Variants in SEC31A observed in about 807,000 individuals in gnomAD.
SEC31A encodes the protein protein transport protein Sec31A.
SEC31A carries 70 observed loss-of-function variants against 151.0 expected under a neutral mutation model. That is an observed-to-expected ratio of 0.46 (90% CI 0.38 to 0.57). SEC31A has a LOEUF of 0.57. SEC31A is among the 20% of genes least tolerant of loss of function. SEC31A has a pLI of 0.00. For missense variants in SEC31A, 1,330 were observed against 1,471.2 expected, an observed-to-expected ratio of 0.90 and a Z score of 1.57; for synonymous variants, 475 against 505.9, an observed-to-expected ratio of 0.94 and a Z score of 0.82.
At chr4:82,852,785 T>TC (rs1420204400) in intron 18 of SEC31A, among the ~76,000 whole-genome samples, 2 of 152,222 alleles carry the variant, frequency 1.3e-5, no homozygotes, top group African/African-American at 4.8e-5. Flanking sequence ...TGTATTGGTG[T>TC]CACATGGCAG....
intron 1 of SEC31A, 54 bp from the exon 2 acceptor site, chr4:82,881,994 C>G (rs925231620): frequency 3.1e-6 from 4 of 1,290,690 alleles, no homozygotes; most frequent in Non-Finnish European, 4.5e-6. Context: ...ATGTCTAACA[C>G]AGAACACAGA....
At chr4:82,889,469 C>A (rs1222052674) in intron 1 of SEC31A, among the ~76,000 whole-genome samples, 1 of 150,984 alleles carries the variant, frequency 6.6e-6, no homozygotes, top group African/African-American at 2.4e-5. Context: ...ATCTCTTGAG[C>A]CCAAAAGTTC....
intron 1 of SEC31A, among the ~76,000 whole-genome samples, chr4:82,885,620 TCTA>T (rs1254592762): frequency 2.0e-5 from 3 of 152,170 alleles, no homozygotes. Flanking sequence ...TCCTTATACT[TCTA>T]CTAACTGATC....
At chr4:82,857,641 T>A (rs1732965659) in intron 15 of SEC31A, 48 bp downstream of exon 15, 1 of 1,217,646 alleles carries the variant, frequency 8.2e-7, no homozygotes, top group African/African-American at 1.5e-5. Context: ...AACTATTTGT[T>A]TTCCAATGGT....
chr4:82,881,295 C>T (rs1376867751), intron 2 of SEC31A, among the ~76,000 whole-genome samples: 4 of 152,024 alleles, frequency 2.6e-5, no homozygotes, highest in African/African-American at 9.7e-5. Flanking sequence ...GAAATCCCAT[C>T]TCTACTAAAA....
intron 22 of SEC31A, among the ~76,000 whole-genome samples, chr4:82,837,866 C>A (rs1354226731): frequency 6.6e-6 from 1 of 152,158 alleles, no homozygotes; most frequent in Non-Finnish European, 1.5e-5. Flanking sequence ...AGAATCTATG[C>A]ACTGGCTAAG....
At chr4:82,877,794 C>G (rs1049810643) in intron 4 of SEC31A, 3 of 152,138 alleles carry the variant, frequency 2.0e-5, no homozygotes, top group Non-Finnish European at 4.4e-5. Flanking sequence ...CGGGTTCAAG[C>G]GATTCTCCTG....
At chr4:82,856,070 A>G (rs1732571125) in intron 16 of SEC31A, among the ~76,000 whole-genome samples, 1 of 152,212 alleles carries the variant, frequency 6.6e-6, no homozygotes, top group Non-Finnish European at 1.5e-5. Context: ...TTCTATTTGG[A>G]AAATACTGGA....
chr4:82,888,350 CAAAA>C (rs1177774222), intron 1 of SEC31A, among the ~76,000 whole-genome samples: 486 of 26,124 alleles, frequency 0.019, 5 homozygotes, highest in Middle Eastern at 0.059. Flanking sequence ...GACTCCGTCT[CAAAA>C]AAAAAAAAAA....
intron 20 of SEC31A, chr4:82,845,109 G>C (rs1395267937): frequency 2.3e-5 from 19 of 828,264 alleles, no homozygotes; most frequent in Non-Finnish European, 5.7e-6. Flanking sequence ...GGGAGTGGGG[G>C]TGAAAGAGCT....
chr4:82,877,279 C>G (rs1322596701), intron 4 of SEC31A, among the ~76,000 whole-genome samples: 1 of 151,716 alleles, frequency 6.6e-6, no homozygotes, highest in Non-Finnish European at 1.5e-5. Flanking sequence ...TTCTGTATTG[C>G]TATACCCTAA....
chr4:82,866,201 T>C (rs1234098440), intron 10 of SEC31A, among the ~76,000 whole-genome samples: 1 of 151,980 alleles, frequency 6.6e-6, no homozygotes, highest in Admixed American at 6.6e-5. Context: ...CCGGGTGCAG[T>C]GACTCATGCC....
chr4:82,881,039 T>C lies in SEC31A; in HGVS notation c.80-117A>G, dbSNP rs1739171467. On this transcript the variant is annotated intron_variant, in intron 2 of 26. Coordinates refer to ENST00000395310, the MANE Select transcript of SEC31A (RefSeq NM_001077207.4). ...CTCTTGCTCATGAATGCTGCACATA[T>C]GCCATTGAGCAGATGCTTAAATTAC... The C allele has an allele frequency of 4.8e-6, 4 of 829,060 alleles. No individual in the cohort carries two copies. In the South Asian group the frequency reaches 5.2e-5, roughly 11 times the overall value. The allele number at this position is 829,060 out of a possible 1,614,324, so 51.4% of individuals were successfully genotyped here.
chr4:82,882,106 T>C (rs896290354), intron 1 of SEC31A, among the ~76,000 whole-genome samples, 166 bp from the exon 2 acceptor site: 1 of 152,162 alleles, frequency 6.6e-6, no homozygotes, highest in Non-Finnish European at 1.5e-5. Flanking sequence ...GATATATTCA[T>C]TAGAAAGAAG....
intron 1 of SEC31A, among the ~76,000 whole-genome samples, chr4:82,882,272 G>C (rs1020249708): frequency 1.3e-5 from 2 of 151,716 alleles, no homozygotes; most frequent in African/African-American, 4.8e-5. Flanking sequence ...GCGTGGTGGC[G>C]GGCACCTGTA....
At chr4:82,884,509 G>A (rs924259487) in intron 1 of SEC31A, among the ~76,000 whole-genome samples, 9 of 151,884 alleles carry the variant, frequency 5.9e-5, no homozygotes, top group South Asian at 2.1e-4. Context: ...CACCAACATC[G>A]CACATCATAA....
intron 1 of SEC31A, among the ~76,000 whole-genome samples, chr4:82,886,084 TTC>T (rs1740639345): frequency 6.6e-6 from 1 of 152,132 alleles, no homozygotes. Context: ...AGCTCCAGAG[TTC>T]TTTCTACTTC....
chr4:82,858,754 G>A (rs1329458793), intron 14 of SEC31A, among the ~76,000 whole-genome samples: 1 of 150,190 alleles, frequency 6.7e-6, no homozygotes, highest in African/African-American at 2.4e-5. Flanking sequence ...CCAGGCTGGA[G>A]TGCAGTGGCG....
At chr4:82,837,336 T>C (rs1004228487) in intron 22 of SEC31A, among the ~76,000 whole-genome samples, 9 of 151,730 alleles carry the variant, frequency 5.9e-5, no homozygotes, top group African/African-American at 9.7e-5. Flanking sequence ...AATTTTTATT[T>C]TATTTTTTAT....
Sources: allele counts gnomAD v4.1 joint callset (sites outside exome capture counted in the v4.1 genomes callset), GRCh38; gene constraint gnomAD v4.1.1; transcripts MANE v1.5; gene names NCBI Gene and HGNC (gene_info 2026-07-23, HGNC 2026-07-21).